NCKAP1: variants seen among roughly 807,000 people sequenced by gnomAD.
NCKAP1 encodes nck-associated protein 1.
In NCKAP1, 21 loss-of-function variants were observed where a neutral mutation model predicts 151.2. That is an observed-to-expected ratio of 0.14 (90% confidence interval 0.10 to 0.20). The LOEUF (loss-of-function observed/expected upper bound fraction) is 0.20. Among genes scored for constraint, NCKAP1 ranks in the 10% least tolerant of loss-of-function variants. The pLI is 1.00. For synonymous variants in NCKAP1, 484 were observed against 451.8 expected (o/e 1.07, Z -0.90); for missense variants, 933 against 1,352.1 (o/e 0.69, Z 4.86).
intron 13 of NCKAP1, among the ~76,000 whole-genome samples, chr2:182,980,107 C>A (rs1456964750): frequency 1.3e-5 from 2 of 151,964 alleles, no homozygotes; most frequent in Non-Finnish European, 2.9e-5. Context: ...AAATAATAAA[C>A]AGTAACAAAA....
chr2:182,942,707 C>T (rs548723033), intron 23 of NCKAP1, among the ~76,000 whole-genome samples: 1 of 151,826 alleles, frequency 6.6e-6, no homozygotes, highest in South Asian at 2.1e-4. Flanking sequence ...TCCTCTTTCA[C>T]AGACCACTGA....
At chr2:183,005,243 G>T (rs1483533938) in intron 2 of NCKAP1, among the ~76,000 whole-genome samples, 1 of 152,082 alleles carries the variant, frequency 6.6e-6, no homozygotes. Flanking sequence ...GTATAATTTG[G>T]TTTATATTGG....
At chr2:182,970,859 C>A (rs904213848) in intron 15 of NCKAP1, among the ~76,000 whole-genome samples, 1 of 24,096 alleles carries the variant, frequency 4.2e-5, no homozygotes, top group African/African-American at 1.8e-4. Flanking sequence ...ATTATATTTA[C>A]AAAAACCTAA....
intron 1 of NCKAP1, among the ~76,000 whole-genome samples, chr2:183,033,432 C>G (rs1699043380): frequency 6.6e-6 from 1 of 152,090 alleles, no homozygotes; most frequent in South Asian, 2.1e-4. Flanking sequence ...GATTATAATC[C>G]TTAATTCCCT....
At chr2:182,928,719 T>C in intron 28 of NCKAP1, 64 bp downstream of exon 28, 1 of 1,149,732 alleles carries the variant, frequency 8.7e-7, no homozygotes, top group Admixed American at 2.2e-5. Context: ...TAACTCATAT[T>C]TTATTATAAA....
chr2:183,036,815 C>CGA (rs762494058), intron 1 of NCKAP1, among the ~76,000 whole-genome samples: 1 of 133,522 alleles, frequency 7.5e-6, no homozygotes, highest in African/African-American at 2.9e-5. Flanking sequence ...AATGAATTTC[C>CGA]AAAGAAAAAA....
chr2:182,996,265 T>G (rs1698266281), intron 6 of NCKAP1, among the ~76,000 whole-genome samples: 1 of 152,366 alleles, frequency 6.6e-6, no homozygotes, highest in Middle Eastern at 3.4e-3. Context: ...GCTTTATATT[T>G]CTCTAAAGAA....
At chr2:182,985,631 GTC>G (rs929981345) in intron 10 of NCKAP1, among the ~76,000 whole-genome samples, 3 of 151,826 alleles carry the variant, frequency 2.0e-5, no homozygotes, top group African/African-American at 7.3e-5. Context: ...GTGAAAACCT[GTC>G]TCTACTAAAA....
At chr2:183,000,376 C>G (rs1698354189) in intron 6 of NCKAP1, among the ~76,000 whole-genome samples, 1 of 151,990 alleles carries the variant, frequency 6.6e-6, no homozygotes, top group African/African-American at 2.4e-5. Flanking sequence ...AAGAGCCTGT[C>G]AAGGAAATTT....
At chr2:182,946,795 A>G (rs1344529629) in intron 23 of NCKAP1, among the ~76,000 whole-genome samples, 1 of 152,090 alleles carries the variant, frequency 6.6e-6, no homozygotes, top group Non-Finnish European at 1.5e-5. Context: ...AAAAGTCAAC[A>G]AATTCCTGGA....
intron 24 of NCKAP1, among the ~76,000 whole-genome samples, chr2:182,940,028 A>G (rs1021508374): frequency 2.0e-5 from 3 of 152,228 alleles, no homozygotes; most frequent in African/African-American, 7.2e-5. Context: ...TTTTATTTTG[A>G]AAACTTGCAA....
Position 182,910,360 on chromosome 2 carries a change from T to A in NCKAP1, c.*15342A>T, listed in dbSNP as rs1339369346. ...ATTCTTTGAGAGATGAGAGGAAATA[T>A]TTTTCAGAAGCTTGGAGGTCTGAGT... On this transcript the variant is annotated 3_prime_UTR_variant, in exon 31 of 31. Coordinates refer to ENST00000361354, the MANE Select transcript of NCKAP1 (RefSeq NM_013436.5). 1 of 152,250 alleles carries A rather than the reference T, an allele frequency of 6.6e-6. No individual in the cohort carries two copies. Among genetic ancestry groups the A allele is most frequent in the Non-Finnish European group, 1.5e-5 (1 of 68,066 alleles). The allele number at this position is 152,250 out of a possible 1,614,324, so 9.4% of individuals were successfully genotyped here.
Position 183,001,994 on chromosome 2 carries a change from G to T in NCKAP1, c.562C>A (p.Pro188Thr), listed in dbSNP as rs1575058482. ...LGQMIVDYEN[P>T]LKKMMEEFVP... ...AATTCTTCCATCATCTTCTTTAAAG[G>T]GTTTTCATAATCCACAATCATCTGG... Residue 188 changes from proline (P) to threonine (T), a missense_variant, in exon 6 of 31, where the codon CCT (proline) becomes ACT (threonine). Physicochemically the swap from Pro to Thr is conservative, Grantham distance 38. Coordinates refer to ENST00000361354, the MANE Select transcript of NCKAP1 (RefSeq NM_013436.5). 3 of 1,613,430 alleles carry T rather than the reference G, an allele frequency of 1.9e-6. No homozygotes were observed. In the African/African-American group the frequency reaches 4.0e-5, roughly 22 times the overall value.
intron 27 of NCKAP1, among the ~76,000 whole-genome samples, chr2:182,929,971 T>C (rs1177454171): frequency 6.6e-6 from 1 of 151,966 alleles, no homozygotes; most frequent in Non-Finnish European, 1.5e-5. Context: ...GGTGAATAAC[T>C]CTAGTACAAT....
At chr2:182,975,492 T>C (rs1250157258) in intron 15 of NCKAP1, among the ~76,000 whole-genome samples, 2 of 152,180 alleles carry the variant, frequency 1.3e-5, no homozygotes, top group Non-Finnish European at 2.9e-5. Flanking sequence ...GCCAGAAAAG[T>C]ATGGTCATCC....
At chr2:183,002,486 G>A (rs189799017) in intron 4 of NCKAP1, among the ~76,000 whole-genome samples, 49 of 152,152 alleles carry the variant, frequency 3.2e-4, no homozygotes, top group African/African-American at 1.1e-3. Flanking sequence ...GAAAGAAAAA[G>A]AGCTTGTGAT....
At position 182,956,543 on chromosome 2, in the gene NCKAP1, T is replaced by G; in HGVS notation, c.2072A>C (p.Tyr691Ser). 1 of 1,610,626 alleles carries G rather than the reference T, an allele frequency of 6.2e-7. No individual in the cohort carries two copies. The highest frequency in any genetic ancestry group is 8.5e-7 in the Non-Finnish European group (1 of 1,178,292). The change falls in exon 20 of 31, where the codon TAT (tyrosine) becomes TCT (serine). Residue 691 changes from tyrosine to serine, a missense_variant. Physicochemically the swap from Tyr to Ser is moderately radical, Grantham distance 144 (BLOSUM62 -2). Transcript: ENST00000361354. Reference sequence around the variant, plus strand: ...TTCCCATACCACCATGTTTGGTACATAATTTATAGAGAAGCATAACTCAGA... The same window carrying G: ...TTCCCATACCACCATGTTTGGTACAGAATTTATAGAGAAGCATAACTCAGA... ...ALSELCFSIN[Y>S]VPNMVVWEHT... is the part of the protein sequence containing the mutation.
chr2:183,020,404 G>A (rs72888472), intron 2 of NCKAP1, among the ~76,000 whole-genome samples: 3,978 of 146,512 alleles, frequency 0.027, 81 homozygotes, highest in Non-Finnish European at 0.04. Context: ...GGTGGAGGTT[G>A]TAGTGGGCTG....
At chr2:182,988,900 A>G (rs1698110263) in intron 9 of NCKAP1, 130 bp downstream of exon 9, 1 of 660,356 alleles carries the variant, frequency 1.5e-6, no homozygotes, top group Non-Finnish European at 2.4e-6. Flanking sequence ...ACTTCCTGGG[A>G]TCCAAGTCAG....
Sources: allele counts gnomAD v4.1 joint callset (sites outside exome capture counted in the v4.1 genomes callset), GRCh38; gene constraint gnomAD v4.1.1; transcripts MANE v1.5; gene names NCBI Gene and HGNC (gene_info 2026-07-23, HGNC 2026-07-21).